Variants in BFSP1 observed in about 807,000 individuals in gnomAD.
BFSP1 encodes the protein beaded filament structural protein 1.
A neutral mutation model predicts 43.9 loss-of-function variants in BFSP1; 38 were observed. That is an observed-to-expected ratio of 0.87 (90% CI 0.67 to 1.14). The LOEUF (loss-of-function observed/expected upper bound fraction) is 1.14. Ranked by LOEUF, BFSP1 falls within the 50% of genes most tolerant of loss-of-function variation. The pLI, the probability that BFSP1 is intolerant of heterozygous loss-of-function variation, is 0.00. For synonymous variants in BFSP1, 352 were observed against 354.8 expected (o/e 0.99, Z 0.09); for missense variants, 850 against 875.1 (o/e 0.97, Z 0.36).
chr20:17,549,817 C>G (rs1600681340), intron 1 of BFSP1, among the ~76,000 whole-genome samples: 1 of 152,132 alleles, frequency 6.6e-6, no homozygotes, highest in Non-Finnish European at 1.5e-5. Context: ...GCCTGGGAAA[C>G]AGGGCAAGAC....
intron 2 of BFSP1, among the ~76,000 whole-genome samples, chr20:17,520,831 A>G (rs1202004253): frequency 6.6e-6 from 1 of 152,204 alleles, no homozygotes; most frequent in Non-Finnish European, 1.5e-5. Context: ...GTAGGGCTTC[A>G]TGCCTGCACC....
rs777880028 is a variant in BFSP1 at position 17,494,072 on chromosome 20, T to C, written c.*2A>G. 1 of 1,608,212 alleles carries C rather than the reference T, an allele frequency of 6.2e-7. No individual in the cohort carries two copies. The highest frequency in any genetic ancestry group is 1.1e-5 in the South Asian group (1 of 90,266). ...CATTTTATCCCATCAAGCCTGGGCA[T>C]TTTAAGAGCTCTTCTCTCCTGATTT... On this transcript the variant is annotated 3_prime_UTR_variant, in exon 8 of 8. Coordinates refer to ENST00000377873, the MANE Select transcript of BFSP1 (RefSeq NM_001195.5).
At chr20:17,560,330 C>T (rs992732594), upstream of BFSP1, 1 of 152,154 alleles carries the variant, frequency 6.6e-6, no homozygotes, top group Non-Finnish European at 1.5e-5. Flanking sequence ...ACATAAGTGA[C>T]GAATGATGTC....
chr20:17,510,684 G>A (rs1052726909), intron 4 of BFSP1, among the ~76,000 whole-genome samples: 3 of 152,196 alleles, frequency 2.0e-5, no homozygotes, highest in African/African-American at 7.2e-5. Flanking sequence ...GGTGACCCCA[G>A]CCCATGGGTT....
chr20:17,555,288 C>CAAA (rs929219257), intron 1 of BFSP1, among the ~76,000 whole-genome samples: 171 of 43,564 alleles, frequency 3.9e-3, no homozygotes, highest in East Asian at 5.1e-3. Flanking sequence ...TCCTATCTCA[C>CAAA]AAAAAAAAAA....
chr20:17,564,557 C>T lies in BFSP1; in HGVS notation n.51-1462G>A, dbSNP rs185162115. Among the ~76,000 whole-genome samples the T allele has an allele frequency of 2.0e-5, 3 of 152,140 alleles. No individual in the cohort carries two copies. The South Asian group carries it at 6.2e-4, about 32-fold the overall frequency. ...ACTAAACACAACCCTTACTAAACTA[C>T]CACTTCTTTGATTCATTTAAACTAC... On this transcript the variant is annotated intron_variant and non_coding_transcript_variant, in intron 1 of 6. Transcript: ENST00000473415.
intron 2 of BFSP1, among the ~76,000 whole-genome samples, chr20:17,518,803 G>A (rs2034257348): frequency 6.6e-6 from 1 of 152,212 alleles, no homozygotes; most frequent in South Asian, 2.1e-4. Context: ...GAGTGACCCA[G>A]CTCTGAATCA....
chr20:17,505,507 G>GCT (rs2033913603), intron 5 of BFSP1, among the ~76,000 whole-genome samples: 1 of 152,206 alleles, frequency 6.6e-6, no homozygotes, highest in Admixed American at 6.5e-5. Context: ...GCTAGCAGAC[G>GCT]CTCTCTCTCG....
rs1204969085 is a variant in BFSP1 at position 17,553,776 on chromosome 20, C to CATATATAT, written c.2+4904_2+4911dup. Among the ~76,000 whole-genome samples, 221 of 105,898 alleles carry CATATATAT rather than the reference C, an allele frequency of 2.1e-3. 1 individual carries two copies. Among genetic ancestry groups the CATATATAT allele is most frequent in the African/African-American group, 9.3e-3 (196 of 21,116 alleles). 69.5% of individuals were successfully genotyped at this position (105,898 alleles called of 152,430 possible). ...AAAAGACCTGTTAAAAATATATAAA[C>CATATATAT]ATATATATATATATATATACACACA... On this transcript the variant is annotated intron_variant, in intron 1 of 7. Transcript: ENST00000377868.
At chr20:17,555,288 CAAAAAAAAA>C (rs929219257) in intron 1 of BFSP1, among the ~76,000 whole-genome samples, 1 of 44,102 alleles carries the variant, frequency 2.3e-5, no homozygotes. Context: ...TCCTATCTCA[CAAAAAAAAA>C]AAAAAAAAAA....
chr20:17,494,802 G>A lies in BFSP1; in HGVS notation c.1270C>T (p.Gln424Ter), dbSNP rs1290408672. Reference protein sequence around the residue: ...SESKEVSPLTQEGAPEDVPDG... With the variant: ...SESKEVSPLT The stretch of plus-strand genomic sequence containing the variant: ...GGCACATCCTCTGGAGCCCCTTCTT[G>A]TGTCAGGGGACTTACTTCTTTACTT... Residue 424 changes from glutamine (Q) to a stop codon, truncating the protein, a stop_gained, in exon 8 of 8, where the codon CAA becomes TAA. Transcript: ENST00000377873. LOFTEE classifies it low-confidence loss of function (END_TRUNC). 2 of 1,614,050 alleles carry A rather than the reference G, an allele frequency of 1.2e-6. No individual in the cohort carries two copies. Among genetic ancestry groups the A allele is most frequent in the African/African-American group, 1.3e-5 (1 of 74,928 alleles).
At chr20:17,537,977 C>T (rs1393820139) in intron 1 of BFSP1, among the ~76,000 whole-genome samples, 1 of 151,606 alleles carries the variant, frequency 6.6e-6, no homozygotes, top group Non-Finnish European at 1.5e-5. Flanking sequence ...AAAAATTGGC[C>T]GGGCATGGTG....
upstream of BFSP1, among the ~76,000 whole-genome samples, chr20:17,532,506 G>A (rs183680878): frequency 1.6e-3 from 240 of 151,876 alleles, no homozygotes; most frequent in African/African-American, 5.4e-3. Context: ...AAATGAGATG[G>A]GGTCTTGCTA....
intron 1 of BFSP1, among the ~76,000 whole-genome samples, chr20:17,527,112 G>A (rs1007456918): frequency 2.6e-5 from 4 of 152,246 alleles, no homozygotes; most frequent in African/African-American, 4.8e-5. Flanking sequence ...CAATGTGCAC[G>A]CATTCCCAGA....
intron 4 of BFSP1, among the ~76,000 whole-genome samples, chr20:17,511,360 A>G (rs988246558): frequency 1.4e-4 from 22 of 152,352 alleles, no homozygotes; most frequent in Middle Eastern, 3.4e-3. Context: ...TCTTGGAAAT[A>G]TATTCACTAA....
intron 1 of BFSP1, among the ~76,000 whole-genome samples, chr20:17,566,675 GAC>G (rs755310870): frequency 1.8e-4 from 28 of 151,730 alleles, no homozygotes; most frequent in Non-Finnish European, 3.5e-4. Context: ...TTTTTTTTGA[GAC>G]ACAGTCTCGC....
intron 2 of BFSP1, among the ~76,000 whole-genome samples, chr20:17,523,148 T>C (rs947154280): frequency 6.6e-6 from 1 of 152,260 alleles, no homozygotes; most frequent in African/African-American, 2.4e-5. Context: ...TCGTTATCTA[T>C]GTTGCCTTAT....
Position 17,531,264 on chromosome 20 carries a change from C to A in BFSP1, c.66G>T (p.Ser22=). ...KEQYEHADEA[S]RAAEPERPAD... ...CCGGGCGCTCGGGCTCGGCGGCGCG[C>A]GAAGCCTCGTCGGCGTGCTCGTACT... The change falls in exon 1 of 8, where the codon TCG becomes TCT. Residue 22 remains serine (S), a synonymous_variant. Coordinates refer to ENST00000377873, the MANE Select transcript of BFSP1 (RefSeq NM_001195.5). The A allele has an allele frequency of 6.9e-7, 1 of 1,446,448 alleles. No homozygotes were observed. Among genetic ancestry groups the A allele is most frequent in the Non-Finnish European group, 9.1e-7 (1 of 1,101,044 alleles). The allele number at this position is 1,446,448 out of a possible 1,614,324, so 89.6% of individuals were successfully genotyped here. A position where few individuals can be genotyped will look rare whatever the true frequency, so the allele number is the denominator to read the frequency against.
intron 2 of BFSP1, among the ~76,000 whole-genome samples, chr20:17,523,240 C>T (rs143376100): frequency 6.6e-6 from 1 of 152,298 alleles, no homozygotes; most frequent in African/African-American, 2.4e-5. Flanking sequence ...AATTCACTGT[C>T]ATTTTCCATC....
Sources: gnomAD v4.1 joint callset for allele counts (sites outside exome capture counted in the v4.1 genomes callset) on GRCh38, gnomAD v4.1.1 for gene constraint, MANE v1.5 for transcripts, NCBI Gene and HGNC (gene_info 2026-07-23, HGNC 2026-07-21) for gene names.